Variants in GTF2IRD1 observed in about 807,000 individuals in gnomAD.
GTF2IRD1 encodes GTF2I repeat domain containing 1, also known as general transcription factor II-I repeat domain-containing protein 1.
GTF2IRD1 carries 26 observed loss-of-function variants against 113.2 expected under a neutral mutation model. The ratio of observed to expected loss-of-function variants is 0.23; its 90% CI spans 0.17 to 0.32. GTF2IRD1 has a LOEUF of 0.32. GTF2IRD1 is among the 10% of genes least tolerant of loss of function. The probability of loss-of-function intolerance (pLI) is 1.00; values close to 1 mark genes in which losing one functional copy is unlikely to be tolerated. For synonymous variants in GTF2IRD1, 484 were observed against 529.1 expected (o/e 0.91, Z 1.17); for missense variants, 864 against 1,280.8 (o/e 0.67, Z 4.97).
chr7:74,464,584 A>G (rs1440574791), intron 1 of GTF2IRD1, among the ~76,000 whole-genome samples: 2 of 151,880 alleles, frequency 1.3e-5, no homozygotes, highest in Non-Finnish European at 2.9e-5. Flanking sequence ...AATAGCTGGG[A>G]TTACAGGCAC....
At chr7:74,525,603 T>C (rs1301482003) in intron 8 of GTF2IRD1, among the ~76,000 whole-genome samples, 1 of 151,748 alleles carries the variant, frequency 6.6e-6, no homozygotes, top group African/African-American at 2.4e-5. Flanking sequence ...ATACAAAAAT[T>C]AACTGGGCGT....
chr7:74,471,683 A>AC (rs1217736775), intron 1 of GTF2IRD1, among the ~76,000 whole-genome samples: 1 of 71,122 alleles, frequency 1.4e-5, no homozygotes, highest in African/African-American at 5.4e-5. Context: ...AAAAAAAAAA[A>AC]AAAAAACAAA....
rs1362724087 is a variant in GTF2IRD1 at position 74,573,416 on chromosome 7, C to A, written c.2320+13761C>A. Among the ~76,000 whole-genome samples the A allele has an allele frequency of 3.7e-4, 55 of 150,088 alleles. 1 individual carries two copies. Among genetic ancestry groups the A allele is most frequent in the Admixed American group, 3.5e-3 (53 of 15,026 alleles). ...GACCTTCTCTCAAAAAAAAAAAAAACGATTAAAATTTAAAATAGACAGGGG... is the reference window on the plus strand; with the variant it reads ...GACCTTCTCTCAAAAAAAAAAAAAAAGATTAAAATTTAAAATAGACAGGGG... On this transcript the variant is annotated intron_variant, in intron 22 of 26. Coordinates refer to ENST00000424337, the MANE Select transcript of GTF2IRD1 (RefSeq NM_005685.4).
At chr7:74,535,627 G>A (rs1191965592) in intron 10 of GTF2IRD1, among the ~76,000 whole-genome samples, 1 of 152,196 alleles carries the variant, frequency 6.6e-6, no homozygotes, top group African/African-American at 2.4e-5. Flanking sequence ...GAAGATGCGG[G>A]CTCTTCCCGG....
At chr7:74,526,886 G>A (rs1442735030) in intron 8 of GTF2IRD1, among the ~76,000 whole-genome samples, 3 of 152,148 alleles carry the variant, frequency 2.0e-5, no homozygotes, top group Non-Finnish European at 4.4e-5. Flanking sequence ...CATCTCAGTG[G>A]GATCTGGATG....
intron 3 of GTF2IRD1, among the ~76,000 whole-genome samples, chr7:74,513,904 T>C (rs564061785): frequency 2.6e-4 from 39 of 152,264 alleles, no homozygotes; most frequent in Admixed American, 2.5e-3. Context: ...TCCCAGCTGC[T>C]TGAGAGGCTG....
chr7:74,526,023 G>C (rs1235093258), intron 8 of GTF2IRD1, among the ~76,000 whole-genome samples: 1 of 152,128 alleles, frequency 6.6e-6, no homozygotes, highest in African/African-American at 2.4e-5. Context: ...GCCCAGCCAC[G>C]CCTCCTCACT....
intron 11 of GTF2IRD1, among the ~76,000 whole-genome samples, chr7:74,537,495 AC>A (rs1554350523): frequency 6.6e-6 from 1 of 151,678 alleles, no homozygotes; most frequent in East Asian, 1.9e-4. Flanking sequence ...ATACACACCT[AC>A]CTACATGCAT....
intron 22 of GTF2IRD1, among the ~76,000 whole-genome samples, chr7:74,573,845 T>A (rs1354586337): frequency 6.6e-6 from 1 of 152,192 alleles, no homozygotes; most frequent in Non-Finnish European, 1.5e-5. Flanking sequence ...CACAGCAGAC[T>A]TCGTGTGGCC....
At chr7:74,521,045 G>C (rs1554345830) in intron 6 of GTF2IRD1, among the ~76,000 whole-genome samples, 163 bp from the exon 7 acceptor site, 1 of 151,908 alleles carries the variant, frequency 6.6e-6, no homozygotes, top group Non-Finnish European at 1.5e-5. Flanking sequence ...TTAGACCTCT[G>C]GTCAGGGGCC....
chr7:74,540,071 C>G (rs587737086), intron 14 of GTF2IRD1, 103 bp downstream of exon 14: 1 of 794,166 alleles, frequency 1.3e-6, no homozygotes, highest in Non-Finnish European at 2.2e-6. Flanking sequence ...TGGTGTCAGC[C>G]GTCTGTAGTA....
At chr7:74,553,046 C>T (rs1799403101) in intron 17 of GTF2IRD1, among the ~76,000 whole-genome samples, 1 of 152,082 alleles carries the variant, frequency 6.6e-6, no homozygotes, top group South Asian at 2.1e-4. Context: ...CCATGTTGGT[C>T]AGGCTGGTCT....
intron 22 of GTF2IRD1, among the ~76,000 whole-genome samples, chr7:74,578,898 G>A (rs1422690893): frequency 6.6e-6 from 1 of 151,398 alleles, no homozygotes; most frequent in African/African-American, 2.4e-5. Flanking sequence ...GAGGCGGGAG[G>A]ATCGCTTCAG....
chr7:74,557,768 A>G (rs782383983), intron 20 of GTF2IRD1, 46 bp downstream of exon 20: 2 of 1,212,958 alleles, frequency 1.6e-6, no homozygotes, highest in Admixed American at 3.8e-5. Flanking sequence ...GCTGCTGTGC[A>G]CAGAGAAGTG....
intron 22 of GTF2IRD1, among the ~76,000 whole-genome samples, chr7:74,567,711 A>G (rs1554361107): frequency 1.3e-5 from 2 of 152,110 alleles, no homozygotes; most frequent in African/African-American, 4.8e-5. Context: ...GGTCAGGTCT[A>G]AAAGGATCAC....
intron 13 of GTF2IRD1, 48 bp downstream of exon 13, chr7:74,538,808 C>T (rs782342805): frequency 1.8e-5 from 18 of 1,004,010 alleles, no homozygotes; most frequent in Non-Finnish European, 2.4e-5. Context: ...AGGGCCGGAC[C>T]GTTAGCCTCC....
chr7:74,494,222 C>T (rs985858107), intron 1 of GTF2IRD1, among the ~76,000 whole-genome samples: 3 of 152,216 alleles, frequency 2.0e-5, no homozygotes, highest in African/African-American at 7.2e-5. Flanking sequence ...GAGCTACGAT[C>T]GCACCACGGC....
At chr7:74,595,446 C>T (rs587733300) in intron 25 of GTF2IRD1, among the ~76,000 whole-genome samples, 2 of 151,302 alleles carry the variant, frequency 1.3e-5, no homozygotes, top group African/African-American at 4.8e-5. Context: ...AGCAGAGACA[C>T]CAGGAGTTGG....
chr7:74,528,466 A>G (rs1256751476), intron 8 of GTF2IRD1, among the ~76,000 whole-genome samples: 1 of 152,000 alleles, frequency 6.6e-6, no homozygotes, highest in East Asian at 1.9e-4. Flanking sequence ...TAGCCTTCCA[A>G]AGTGCTGGGA....
Sources: allele counts gnomAD v4.1 joint callset (sites outside exome capture counted in the v4.1 genomes callset), GRCh38; gene constraint gnomAD v4.1.1; transcripts MANE v1.5; gene names NCBI Gene and HGNC (gene_info 2026-07-23, HGNC 2026-07-21).